Variants in LRP1B observed in about 807,000 individuals in gnomAD.
LRP1B encodes LDL receptor related protein 1B.
Under a neutral mutation model 556.6 loss-of-function variants are expected in LRP1B, and 217 were observed. The observed-to-expected ratio is 0.39, with a 90% CI of 0.35 to 0.44. LRP1B has a LOEUF of 0.44. LRP1B is among the 20% of genes least tolerant of loss of function. The probability of loss-of-function intolerance (pLI) is 1.00; values close to 1 mark genes in which losing one functional copy is unlikely to be tolerated. For missense variants in LRP1B, 5,053 were observed against 5,620.8 expected (o/e 0.90, Z 3.23); for synonymous variants, 2,047 against 1,865.8 (o/e 1.10, Z -2.50).
intron 7 of LRP1B, among the ~76,000 whole-genome samples, chr2:141,155,878 T>C (rs576344457): frequency 6.6e-6 from 1 of 152,126 alleles, no homozygotes; most frequent in Non-Finnish European, 1.5e-5. Context: ...CTGAAGATAT[T>C]TTTTCAAAAT....
chr2:140,281,051 G>A (rs968638050), intron 84 of LRP1B, among the ~76,000 whole-genome samples: 2 of 151,784 alleles, frequency 1.3e-5, no homozygotes, highest in Admixed American at 6.6e-5. Context: ...TAAATGAATG[G>A]CTAATGTCTG....
chr2:141,154,331 TA>T (rs1702014475), intron 7 of LRP1B, among the ~76,000 whole-genome samples: 1 of 151,910 alleles, frequency 6.6e-6, no homozygotes, highest in African/African-American at 2.4e-5. Flanking sequence ...AACACACTTT[TA>T]AATATTACTT....
At chr2:141,522,515 G>A (rs371514900) in intron 2 of LRP1B, among the ~76,000 whole-genome samples, 24 of 152,246 alleles carry the variant, frequency 1.6e-4, no homozygotes, top group East Asian at 7.7e-4. Flanking sequence ...AGATCAGATC[G>A]TATCTATATC....
intron 2 of LRP1B, among the ~76,000 whole-genome samples, chr2:141,782,519 T>C (rs1191116362): frequency 6.9e-6 from 1 of 145,362 alleles, no homozygotes; most frequent in Non-Finnish European, 1.5e-5. Flanking sequence ...TTTTCCTTTT[T>C]TTTTTTTTTT....
At chr2:140,914,980 T>A (rs1694532549) in intron 21 of LRP1B, among the ~76,000 whole-genome samples, 1 of 152,122 alleles carries the variant, frequency 6.6e-6, no homozygotes, top group Non-Finnish European at 1.5e-5. Flanking sequence ...TGTAGAGAGG[T>A]TTAGTAACTT....
intron 41 of LRP1B, among the ~76,000 whole-genome samples, chr2:140,657,298 C>G (rs1684912721): frequency 6.6e-6 from 1 of 151,818 alleles, no homozygotes; most frequent in Non-Finnish European, 1.5e-5. Context: ...ACATGCTTTT[C>G]CATAGACTGA....
chr2:140,558,499 G>A (rs114321009), intron 43 of LRP1B, among the ~76,000 whole-genome samples: 168 of 152,100 alleles, frequency 1.1e-3, no homozygotes, highest in African/African-American at 3.4e-3. Context: ...AATCAGAAAG[G>A]ACCACATATT....
rs561263155 is a variant in LRP1B, at chr2:141,360,881, A to G, written c.344-106240T>C. Among the ~76,000 whole-genome samples, 8 of 152,360 alleles carry G rather than the reference A, an allele frequency of 5.3e-5. No individual in the cohort carries two copies. In the South Asian group the frequency reaches 1.7e-3, roughly 32 times the overall value. On this transcript the variant is annotated intron_variant, in intron 3 of 90. Transcript: ENST00000389484. ...ATATAAATATATAGCACATTATTTA[A>G]ATTTGTTCACTTAGCAAATGAAGTG...
intron 3 of LRP1B, among the ~76,000 whole-genome samples, chr2:141,440,759 A>G (rs555464907): frequency 1.3e-5 from 2 of 152,306 alleles, no homozygotes; most frequent in South Asian, 4.1e-4. Flanking sequence ...GAGTCATTTA[A>G]AGAATGCACT....
chr2:141,420,941 G>A (rs1021191981), intron 3 of LRP1B, among the ~76,000 whole-genome samples: 1 of 152,286 alleles, frequency 6.6e-6, no homozygotes, highest in South Asian at 2.1e-4. Context: ...GTAAATTGGA[G>A]TGTTCTACCC....
chr2:140,776,401 C>T (rs1427532030), intron 32 of LRP1B, among the ~76,000 whole-genome samples, 163 bp from the exon 33 acceptor site: 2 of 149,374 alleles, frequency 1.3e-5, no homozygotes, highest in Non-Finnish European at 3.0e-5. Flanking sequence ...AAATGCAGCT[C>T]GTAGTGACAT....
At chr2:141,460,049 T>C (rs2105040217) in intron 3 of LRP1B, among the ~76,000 whole-genome samples, 1 of 152,304 alleles carries the variant, frequency 6.6e-6, no homozygotes, top group South Asian at 2.1e-4. Flanking sequence ...AAAACAAATG[T>C]ATTAAACACT....
At chr2:142,023,147 C>T (rs1703395659) in intron 1 of LRP1B, among the ~76,000 whole-genome samples, 1 of 152,094 alleles carries the variant, frequency 6.6e-6, no homozygotes, top group African/African-American at 2.4e-5. Context: ...TTACCCTTAC[C>T]CCCAGTGCCA....
chr2:140,716,098 GT>G lies in LRP1B; in HGVS notation c.5897del (p.Asn1966ThrfsTer11). ...EGIAVDWIAG[N>X]IYWTDHGFNL... ...TGAAACCATGATCTGTCCAATATAT[GT>G]TACCTAGGAGAAATAATAGAGGTGT... On this transcript the variant is annotated frameshift_variant, in exon 37 of 91. Coordinates refer to ENST00000389484, the MANE Select transcript of LRP1B (RefSeq NM_018557.3). LOFTEE classifies it high-confidence loss of function. The G allele has an allele frequency of 6.3e-7, 1 of 1,590,568 alleles. No individual in the cohort carries two copies. Among genetic ancestry groups the G allele is most frequent in the Non-Finnish European group, 8.6e-7 (1 of 1,163,800 alleles).
chr2:140,303,209 C>T (rs1257699739), intron 83 of LRP1B, among the ~76,000 whole-genome samples: 5 of 151,300 alleles, frequency 3.3e-5, no homozygotes, highest in African/African-American at 9.7e-5. Context: ...ATGGGTCATA[C>T]CACAAAGTCA....
intron 1 of LRP1B, among the ~76,000 whole-genome samples, chr2:141,834,124 T>A (rs567217819): frequency 6.6e-6 from 1 of 152,032 alleles, no homozygotes; most frequent in South Asian, 2.1e-4. Context: ...CTGATGGTAC[T>A]GTTATGTTTT....
intron 3 of LRP1B, among the ~76,000 whole-genome samples, chr2:141,304,420 A>C (rs1251894399): frequency 6.6e-6 from 1 of 150,584 alleles, no homozygotes; most frequent in East Asian, 1.9e-4. Context: ...TCATGTCTCT[A>C]AGACATATTG....
chr2:141,855,984 TAGC>T, intron 1 of LRP1B, among the ~76,000 whole-genome samples: 1 of 152,164 alleles, frequency 6.6e-6, no homozygotes, highest in Admixed American at 6.5e-5. Context: ...CCAATATTAA[TAGC>T]ATGAAATATC....
chr2:140,268,686 G>A (rs1033428837), intron 86 of LRP1B, among the ~76,000 whole-genome samples: 1 of 151,926 alleles, frequency 6.6e-6, no homozygotes, highest in Non-Finnish European at 1.5e-5. Flanking sequence ...AAATTTCTCA[G>A]AGGAGATATG....
Sources: gnomAD v4.1 joint callset for allele counts (sites outside exome capture counted in the v4.1 genomes callset) on GRCh38, gnomAD v4.1.1 for gene constraint, MANE v1.5 for transcripts, NCBI Gene and HGNC (gene_info 2026-07-23, HGNC 2026-07-21) for gene names.